Variants in SAMD5 observed in about 807,000 individuals in gnomAD.
The protein encoded by SAMD5 is sterile alpha motif domain-containing protein 5.
SAMD5 carries 13 observed loss-of-function variants against 11.3 expected under a neutral mutation model. That is an observed-to-expected ratio of 1.15 (90% CI 0.75 to 1.83). The LOEUF is 1.83. SAMD5 is among the 40% of genes most tolerant of loss of function. The pLI is 0.00. For synonymous variants in SAMD5, 129 were observed against 111.3 expected (o/e 1.16, Z -1.00); for missense variants, 255 against 239.1 (o/e 1.07, Z -0.44).
chr6:147,617,533 T>G (rs921049089), intron 1 of SAMD5, among the ~76,000 whole-genome samples: 27 of 152,238 alleles, frequency 1.8e-4, no homozygotes, highest in African/African-American at 6.0e-4. Context: ...ATGGAATTGC[T>G]CCACAGTGCT....
At chr6:147,954,642 C>CTTT in the SAMD5 span, among the ~76,000 whole-genome samples, 1 of 137,278 alleles carries the variant, frequency 7.3e-6, no homozygotes. Context: ...TTTTTAACCT[C>CTTT]TTTTTTTTTT....
chr6:147,854,461 A>C, the SAMD5 span, among the ~76,000 whole-genome samples: 1 of 152,336 alleles, frequency 6.6e-6, no homozygotes, highest in African/African-American at 2.4e-5. Context: ...AGGATGAATT[A>C]GAGTGTGAGA....
chr6:147,599,730 A>C (rs1419116112), intron 1 of SAMD5, among the ~76,000 whole-genome samples: 1 of 152,174 alleles, frequency 6.6e-6, no homozygotes, highest in African/African-American at 2.4e-5. Context: ...TGTGAAATGA[A>C]CACAATTTTG....
At chr6:147,889,799 A>G in the SAMD5 span, among the ~76,000 whole-genome samples, 65,688 of 151,992 alleles carry the variant, frequency 0.43, 14,488 homozygotes, top group South Asian at 0.6. Context: ...ACATTCTTTC[A>G]TGGACCTCAG....
chr6:147,720,845 C>A (rs1385091075), intron 1 of SAMD5, among the ~76,000 whole-genome samples: 1 of 109,630 alleles, frequency 9.1e-6, no homozygotes, highest in Admixed American at 1.1e-4. Context: ...CTATCCCTCC[C>A]CCCTCCCCCC....
At chr6:147,533,411 G>T (rs1174520826) in intron 1 of SAMD5, among the ~76,000 whole-genome samples, 2 of 145,278 alleles carry the variant, frequency 1.4e-5, no homozygotes, top group East Asian at 4.1e-4. Context: ...GCTGTAAGCC[G>T]AGATCGCGCC....
chr6:147,649,309 G>T (rs1160619167), intron 1 of SAMD5, among the ~76,000 whole-genome samples: 2 of 152,056 alleles, frequency 1.3e-5, no homozygotes, highest in Non-Finnish European at 2.9e-5. Context: ...TTATGATGGG[G>T]CCATCTTGTC....
At chr6:147,927,149 T>A in the SAMD5 span, among the ~76,000 whole-genome samples, 10 of 151,822 alleles carry the variant, frequency 6.6e-5, no homozygotes, top group Non-Finnish European at 2.9e-5. Flanking sequence ...TTATTCGGGC[T>A]TTTTTTTGTT....
chr6:147,740,179 A>G (rs2128460674), downstream of SAMD5, among the ~76,000 whole-genome samples: 2 of 152,340 alleles, frequency 1.3e-5, no homozygotes, highest in Middle Eastern at 6.8e-3. Context: ...TACATTTATT[A>G]CATTATGACT....
At chr6:147,704,400 T>A (rs1791297501) in intron 1 of SAMD5, among the ~76,000 whole-genome samples, 1 of 152,172 alleles carries the variant, frequency 6.6e-6, no homozygotes, top group Admixed American at 6.5e-5. Context: ...TGTTCTTCAC[T>A]CATCATCTCT....
At chr6:147,652,999 C>T (rs1272738478) in intron 1 of SAMD5, among the ~76,000 whole-genome samples, 1 of 152,108 alleles carries the variant, frequency 6.6e-6, no homozygotes, top group Non-Finnish European at 1.5e-5. Context: ...CTAGTTTACA[C>T]ACAAAATGCT....
chr6:147,551,846 G>GTATA (rs1788780964), intron 1 of SAMD5, among the ~76,000 whole-genome samples: 3 of 122,754 alleles, frequency 2.4e-5, no homozygotes, highest in Non-Finnish European at 5.1e-5. Flanking sequence ...ATGTATATAT[G>GTATA]TATTTTAACA....
chr6:147,760,906 A>G, the SAMD5 span, among the ~76,000 whole-genome samples: 4 of 152,214 alleles, frequency 2.6e-5, no homozygotes, highest in Non-Finnish European at 4.4e-5. Context: ...GTTTTCAGGA[A>G]TGAGGAAGAG....
chr6:147,743,701 A>G, the SAMD5 span, among the ~76,000 whole-genome samples: 5 of 152,192 alleles, frequency 3.3e-5, no homozygotes, highest in Non-Finnish European at 5.9e-5. Context: ...TTTTTATCAG[A>G]TGACAATTGT....
chr6:147,885,553 A>G, the SAMD5 span, among the ~76,000 whole-genome samples: 1 of 152,202 alleles, frequency 6.6e-6, no homozygotes, highest in African/African-American at 2.4e-5. Flanking sequence ...GTAAACAAGA[A>G]CATGTACCAT....
chr6:147,531,383 G>T (rs887515118), intron 1 of SAMD5, among the ~76,000 whole-genome samples: 3 of 152,190 alleles, frequency 2.0e-5, no homozygotes, highest in Non-Finnish European at 4.4e-5. Flanking sequence ...GCCCAAAATT[G>T]CAGTATTTAA....
chr6:147,740,859 G>A (rs1791870216), downstream of SAMD5, among the ~76,000 whole-genome samples: 1 of 152,180 alleles, frequency 6.6e-6, no homozygotes, highest in African/African-American at 2.4e-5. Flanking sequence ...TACACACGAA[G>A]CTTCATTAAC....
Position 147,509,173 on chromosome 6 carries a change from C to T in SAMD5, c.245C>T (p.Pro82Leu). 1.5e-6 allele frequency: 2 copies of T among 1,311,500 alleles called. No individual in the cohort carries two copies. The highest frequency in any genetic ancestry group is 2.5e-5 in the South Asian group (1 of 39,278). 81.2% of individuals were successfully genotyped at this position (1,311,500 alleles called of 1,614,324 possible). Reference sequence around the variant, plus strand: ...TTCACGCTTGAGCCGCAGCCGGCGCCCCCCGGGCCGCCCGCCGACGCCGTC... The same window carrying T: ...TTCACGCTTGAGCCGCAGCCGGCGCTCCCCGGGCCGCCCGCCGACGCCGTC... ...LYFTLEPQPA[P>L]PGPPADAVPT... The change falls in exon 1 of 2, where the codon CCC (proline) becomes CTC (leucine). Residue 82 changes from proline (P) to leucine (L), a missense_variant. Coordinates refer to ENST00000367474, the MANE Select transcript of SAMD5 (RefSeq NM_001030060.3).
chr6:147,537,755 CAA>C (rs34367490), intron 1 of SAMD5, among the ~76,000 whole-genome samples: 8,506 of 139,952 alleles, frequency 0.061, 424 homozygotes, highest in African/African-American at 0.14. Context: ...GACTCCGTCT[CAA>C]AAAAAAAAAA....
Sources: allele counts gnomAD v4.1 joint callset (sites outside exome capture counted in the v4.1 genomes callset), GRCh38; gene constraint gnomAD v4.1.1; transcripts MANE v1.5; gene names NCBI Gene and HGNC (gene_info 2026-07-23, HGNC 2026-07-21).